The following SGCZ variants were observed in gnomAD, a reference collection of about 807,000 sequenced individuals.
The protein encoded by SGCZ is sarcoglycan zeta.
Under a neutral mutation model 41.3 loss-of-function variants are expected in SGCZ, and 40 were observed. The ratio of observed to expected loss-of-function variants is 0.97; its 90% CI spans 0.75 to 1.26. The LOEUF is 1.26. SGCZ is among the 50% of genes most tolerant of loss of function. The probability of loss-of-function intolerance (pLI) is 0.00; values close to 1 mark genes in which losing one functional copy is unlikely to be tolerated. For missense variants in SGCZ, 552 were observed against 369.8 expected (o/e 1.49, Z -4.04); for synonymous variants, 206 against 137.5 (o/e 1.50, Z -3.49).
intron 2 of SGCZ, among the ~76,000 whole-genome samples, chr8:14,509,843 G>A (rs1457004633): frequency 6.6e-6 from 1 of 152,028 alleles, no homozygotes; most frequent in Admixed American, 6.6e-5. Context: ...AGAGAAGAGG[G>A]GCAAAGTGGG....
At position 14,882,695 on chromosome 8, in the gene SGCZ, C is replaced by A. The variant is rs1804635609; in HGVS notation, c.40-327769G>T. On this transcript the variant is annotated intron_variant, in intron 1 of 7. Transcript: ENST00000382080. ...ATCCCATTGTTTGATTACGACAGCT[C>A]TGCTGCTAATAGCAACACAACTCCT... 2.0e-5 allele frequency among the ~76,000 whole-genome samples: 3 copies of A among 152,136 alleles called. No individual in the cohort carries two copies. In the South Asian group the frequency reaches 6.2e-4, roughly 32 times the overall value.
chr8:14,697,865 T>C (rs1250756739), intron 1 of SGCZ, among the ~76,000 whole-genome samples: 2 of 152,006 alleles, frequency 1.3e-5, no homozygotes, highest in African/African-American at 2.4e-5. Flanking sequence ...ATCAGTAATA[T>C]TGAAATTCTT....
At chr8:14,869,876 T>C (rs180897117) in intron 1 of SGCZ, among the ~76,000 whole-genome samples, 1 of 152,250 alleles carries the variant, frequency 6.6e-6, no homozygotes, top group African/African-American at 2.4e-5. Flanking sequence ...TTACAAGGAA[T>C]GTGAAGGACC....
chr8:15,038,464 A>T (rs932108062), intron 1 of SGCZ, among the ~76,000 whole-genome samples: 1 of 152,046 alleles, frequency 6.6e-6, no homozygotes, highest in Non-Finnish European at 1.5e-5. Context: ...ATCAAAATTG[A>T]CTAAAGAGTT....
intron 1 of SGCZ, among the ~76,000 whole-genome samples, chr8:15,041,090 A>T (rs1804077845): frequency 6.6e-6 from 1 of 151,922 alleles, no homozygotes; most frequent in African/African-American, 2.4e-5. Context: ...AAACATATCA[A>T]ACTATTTTTT....
chr8:15,124,480 G>C (rs1024221991), intron 1 of SGCZ, among the ~76,000 whole-genome samples: 2 of 152,168 alleles, frequency 1.3e-5, no homozygotes, highest in African/African-American at 2.4e-5. Flanking sequence ...ATGTTTGCAA[G>C]GCCAGGGCAG....
chr8:14,868,252 T>C (rs1432904083), intron 1 of SGCZ, among the ~76,000 whole-genome samples: 1 of 152,162 alleles, frequency 6.6e-6, no homozygotes, highest in African/African-American at 2.4e-5. Context: ...TGCAACTCGG[T>C]GACCTCCCTC....
intron 2 of SGCZ, among the ~76,000 whole-genome samples, chr8:14,416,365 T>C (rs1047334327): frequency 6.6e-6 from 1 of 151,892 alleles, no homozygotes; most frequent in African/African-American, 2.4e-5. Context: ...AATGTAGAAA[T>C]TTTATATTTT....
chr8:14,856,578 A>C (rs1489236488), intron 1 of SGCZ, among the ~76,000 whole-genome samples: 1 of 152,180 alleles, frequency 6.6e-6, no homozygotes, highest in Non-Finnish European at 1.5e-5. Flanking sequence ...AAATCAATAG[A>C]GTATTCTGGA....
At chr8:14,501,594 A>G (rs967864822) in intron 2 of SGCZ, among the ~76,000 whole-genome samples, 1 of 146,398 alleles carries the variant, frequency 6.8e-6, no homozygotes, top group African/African-American at 2.5e-5. Flanking sequence ...GATGAAATTC[A>G]TGATTTAGTT....
intron 1 of SGCZ, among the ~76,000 whole-genome samples, chr8:14,596,387 G>C (rs554353469): frequency 6.6e-6 from 1 of 151,974 alleles, no homozygotes; most frequent in Non-Finnish European, 1.5e-5. Flanking sequence ...TTTGATGAAC[G>C]ACAATTTATC....
chr8:15,058,605 G>C (rs1315072634), intron 1 of SGCZ, among the ~76,000 whole-genome samples: 2 of 152,116 alleles, frequency 1.3e-5, no homozygotes, highest in Admixed American at 6.6e-5. Context: ...AAATTTATTA[G>C]ATTGTGTGTT....
intron 1 of SGCZ, among the ~76,000 whole-genome samples, chr8:14,801,251 G>C (rs1801313079): frequency 6.6e-6 from 1 of 152,070 alleles, no homozygotes; most frequent in Non-Finnish European, 1.5e-5. Flanking sequence ...AATTATATGG[G>C]TTGGTCATTA....
At chr8:15,156,020 T>C (rs1563155349) in intron 1 of SGCZ, among the ~76,000 whole-genome samples, 1 of 137,598 alleles carries the variant, frequency 7.3e-6, no homozygotes, top group Non-Finnish European at 1.5e-5. Flanking sequence ...ATCGTGCCAT[T>C]GCACTCCAGC....
At chr8:14,954,764 G>A (rs970587759) in intron 1 of SGCZ, among the ~76,000 whole-genome samples, 2 of 152,090 alleles carry the variant, frequency 1.3e-5, no homozygotes, top group Admixed American at 1.3e-4. Flanking sequence ...CTCCAAGCAG[G>A]TCCATTATCT....
intron 4 of SGCZ, among the ~76,000 whole-genome samples, chr8:14,236,103 C>G (rs1287532306): frequency 6.6e-6 from 1 of 152,200 alleles, no homozygotes; most frequent in African/African-American, 2.4e-5. Flanking sequence ...CATGGAAAAT[C>G]TACTAAGGTT....
intron 1 of SGCZ, among the ~76,000 whole-genome samples, chr8:14,766,665 G>A (rs1800044565): frequency 6.6e-6 from 1 of 150,516 alleles, no homozygotes; most frequent in Non-Finnish European, 1.5e-5. Flanking sequence ...AGGCTCAAGC[G>A]ATTCTTTCAC....
intron 2 of SGCZ, among the ~76,000 whole-genome samples, chr8:14,470,841 T>A (rs1468482542): frequency 6.6e-6 from 1 of 152,170 alleles, no homozygotes; most frequent in Non-Finnish European, 1.5e-5. Flanking sequence ...TCCACTGATA[T>A]CAAAATAGGC....
rs80170094 is a variant in SGCZ at position 15,087,577 on chromosome 8, G to A, written c.39+150008C>T. Among the ~76,000 whole-genome samples the A allele has an allele frequency of 6.8e-3, 1,040 of 152,196 alleles. 12 individuals are homozygous for A. Among genetic ancestry groups the A allele is most frequent in the African/African-American group, 0.024 (1,010 of 41,512 alleles). On this transcript the variant is annotated intron_variant, in intron 1 of 7. Transcript: ENST00000382080. ...CGGATAAAGTTGTGACCACTGAAGT[G>A]TCATTGAGAATAAATCTCTTAGACA...
Sources: allele counts gnomAD v4.1 joint callset (sites outside exome capture counted in the v4.1 genomes callset), GRCh38; gene constraint gnomAD v4.1.1; transcripts MANE v1.5; gene names NCBI Gene and HGNC (gene_info 2026-07-23, HGNC 2026-07-21).